Variants in PTPRT observed in about 807,000 individuals in gnomAD.
PTPRT encodes protein tyrosine phosphatase receptor type T.
PTPRT carries 56 observed loss-of-function variants against 176.8 expected under a neutral mutation model. That is an observed-to-expected ratio of 0.32 (90% confidence interval 0.26 to 0.40). The LOEUF is 0.40. Ranked by LOEUF, PTPRT falls within the 10% of genes least tolerant of loss-of-function variation. The pLI is 1.00. For missense variants in PTPRT, 1,540 were observed against 1,908.2 expected, an observed-to-expected ratio of 0.81 and a Z score of 3.60; for synonymous variants, 783 against 739.0, an observed-to-expected ratio of 1.06 and a Z score of -0.96.
At chr20:42,096,557 C>T (rs888130148) in intron 27 of PTPRT, among the ~76,000 whole-genome samples, 34 of 152,150 alleles carry the variant, frequency 2.2e-4, no homozygotes, top group Non-Finnish European at 3.4e-4. Context: ...CAGCCAAGAT[C>T]GCACCACTGT....
At chr20:42,606,296 G>A (rs1191778323) in intron 7 of PTPRT, among the ~76,000 whole-genome samples, 3 of 152,186 alleles carry the variant, frequency 2.0e-5, no homozygotes, top group African/African-American at 4.8e-5. Flanking sequence ...CAAGGCTGAT[G>A]TGGTAGGGCC....
chr20:43,059,726 C>T (rs1158584690), intron 1 of PTPRT, among the ~76,000 whole-genome samples: 2 of 152,172 alleles, frequency 1.3e-5, no homozygotes, highest in Non-Finnish European at 2.9e-5. Flanking sequence ...TGCCTGTAAT[C>T]CCAGCATTTT....
chr20:42,168,889 G>A (rs190629531), intron 16 of PTPRT, among the ~76,000 whole-genome samples: 12 of 152,246 alleles, frequency 7.9e-5, no homozygotes, highest in African/African-American at 2.9e-4. Flanking sequence ...AACAACAGAT[G>A]GATTTACCTT....
At chr20:42,745,473 A>AC (rs1470964481) in intron 6 of PTPRT, among the ~76,000 whole-genome samples, 3 of 151,786 alleles carry the variant, frequency 2.0e-5, no homozygotes, top group Admixed American at 6.6e-5. Flanking sequence ...AGATGTCAGT[A>AC]CCCCCCCTCT....
chr20:42,939,543 G>C (rs371449841), intron 1 of PTPRT, among the ~76,000 whole-genome samples: 92 of 152,262 alleles, frequency 6.0e-4, no homozygotes, highest in African/African-American at 2.0e-3. Flanking sequence ...TTGGTGTTGA[G>C]ACACTGTTTT....
intron 7 of PTPRT, among the ~76,000 whole-genome samples, chr20:42,560,413 G>A (rs2072932994): frequency 6.6e-6 from 1 of 152,150 alleles, no homozygotes; most frequent in Non-Finnish European, 1.5e-5. Flanking sequence ...TTGTGATGGA[G>A]GGTCATCTTG....
At chr20:42,182,480 T>G (rs554128532) in intron 16 of PTPRT, among the ~76,000 whole-genome samples, 5 of 152,212 alleles carry the variant, frequency 3.3e-5, no homozygotes, top group East Asian at 1.9e-4. Flanking sequence ...TGGCTGAAGA[T>G]TCACTGGATG....
intron 17 of PTPRT, among the ~76,000 whole-genome samples, chr20:42,149,143 C>T (rs1330776519): frequency 2.0e-5 from 3 of 152,152 alleles, no homozygotes; most frequent in Non-Finnish European, 4.4e-5. Context: ...CAATACATTT[C>T]AGCTAAAAAC....
intron 6 of PTPRT, among the ~76,000 whole-genome samples, chr20:42,739,890 T>C (rs933446471): frequency 3.3e-5 from 5 of 152,198 alleles, no homozygotes; most frequent in Non-Finnish European, 5.9e-5. Context: ...CCTATGCATG[T>C]CCTATTTTGG....
chr20:43,073,243 C>T (rs2011204703), intron 1 of PTPRT, among the ~76,000 whole-genome samples: 3 of 152,174 alleles, frequency 2.0e-5, no homozygotes, highest in African/African-American at 7.2e-5. Flanking sequence ...GTTAAATATA[C>T]AATGGATGTA....
Position 42,315,734 on chromosome 20 carries a change from T to C in PTPRT, c.2128A>G (p.Lys710Glu), listed in dbSNP as rs920443041. ...SYSIYFQALS[K>E]ANGETKINCV... ...GTGGCCATACTTACTCCATTGGCTT[T>C]GCTGAGTGCCTGGAAGTAGATGCTG... The change falls in exon 12 of 31, where the codon AAA becomes GAA. Residue 710 changes from lysine (K) to glutamate (E), a missense_variant. Physicochemically the swap from Lys to Glu is moderately conservative, Grantham distance 56. This residue lies in a region of PTPRT where 255 missense variants were observed against 250.1 expected (regional missense o/e 1.02). Transcript: ENST00000373187. 1.2e-6 allele frequency: 2 copies of C among 1,614,034 alleles called. No individual in the cohort carries two copies. The highest frequency in any genetic ancestry group is 1.7e-6 in the Non-Finnish European group (2 of 1,179,916).
chr20:42,785,448 C>T (rs1009372669), intron 3 of PTPRT, among the ~76,000 whole-genome samples: 4 of 152,128 alleles, frequency 2.6e-5, no homozygotes. Flanking sequence ...TTTTAAAACC[C>T]ATTTTGCTAG....
At chr20:42,603,667 A>C (rs1379019222) in intron 7 of PTPRT, among the ~76,000 whole-genome samples, 2 of 152,256 alleles carry the variant, frequency 1.3e-5, no homozygotes, top group Non-Finnish European at 2.9e-5. Context: ...CAATCTCGAT[A>C]AGAAGTGAAG....
intron 7 of PTPRT, among the ~76,000 whole-genome samples, chr20:42,542,714 A>G (rs1425581690): frequency 6.6e-6 from 1 of 152,228 alleles, no homozygotes; most frequent in East Asian, 1.9e-4. Context: ...AATGTTTATA[A>G]GAACAAATGA....
At chr20:42,133,752 T>A (rs1040166549) in intron 18 of PTPRT, among the ~76,000 whole-genome samples, 2 of 152,194 alleles carry the variant, frequency 1.3e-5, no homozygotes, top group African/African-American at 4.8e-5. Flanking sequence ...TAATGCAAGA[T>A]GTTAATAATA....
intron 7 of PTPRT, among the ~76,000 whole-genome samples, chr20:42,599,898 C>A (rs924335923): frequency 3.3e-5 from 5 of 152,042 alleles, no homozygotes; most frequent in African/African-American, 1.2e-4. Flanking sequence ...GCAAAATGGT[C>A]CCTACCACCG....
intron 9 of PTPRT, among the ~76,000 whole-genome samples, chr20:42,353,090 C>T (rs2058309802): frequency 6.6e-6 from 1 of 152,198 alleles, no homozygotes; most frequent in Non-Finnish European, 1.5e-5. Context: ...ATGTCTTTTA[C>T]CCCTTCAGCG....
rs115909522 is a variant in PTPRT at position 42,923,811 on chromosome 20, C to T, written c.89-37879G>A. On this transcript the variant is annotated intron_variant, in intron 1 of 30. Coordinates refer to ENST00000373187, the MANE Select transcript of PTPRT (RefSeq NM_007050.6). The stretch of plus-strand genomic sequence containing the variant: ...GTGTCCAGCGTCATCAATACCCTAT[C>T]CACTTCAAGATGAATGGGACATTTT... Among the ~76,000 whole-genome samples, 788 of 152,272 alleles carry T rather than the reference C, an allele frequency of 5.2e-3. 5 individuals carry two copies. The highest frequency in any genetic ancestry group is 0.018 in the African/African-American group (756 of 41,552).
chr20:42,280,950 C>T (rs139475535), intron 13 of PTPRT, among the ~76,000 whole-genome samples: 63 of 152,264 alleles, frequency 4.1e-4, no homozygotes, highest in African/African-American at 6.0e-4. Flanking sequence ...ATCCCACCTA[C>T]CCCATGGAGT....
Sources: allele counts gnomAD v4.1 joint callset (sites outside exome capture counted in the v4.1 genomes callset), GRCh38; gene constraint gnomAD v4.1.1; regional missense constraint gnomAD v4.1.1; transcripts MANE v1.5; gene names NCBI Gene and HGNC (gene_info 2026-07-23, HGNC 2026-07-21).